The following ALG9 variants were observed in gnomAD, a reference collection of about 807,000 sequenced individuals.
ALG9 encodes alpha-1,2-mannosyltransferase ALG9.
Under a neutral mutation model 81.8 loss-of-function variants are expected in ALG9, and 55 were observed. The observed-to-expected ratio is 0.67, with a 90% CI of 0.54 to 0.84. The LOEUF (loss-of-function observed/expected upper bound fraction) is 0.84, where lower values mean the gene tolerates loss of function less well. ALG9 is among the 40% of genes least tolerant of loss of function. The pLI, the probability that ALG9 is intolerant of heterozygous loss-of-function variation, is 0.00. For missense variants in ALG9, 629 were observed against 745.0 expected (o/e 0.84, Z 1.81); for synonymous variants, 278 against 274.3 (o/e 1.01, Z -0.13).
At chr11:111,827,425 G>A (rs1483852649) in intron 13 of ALG9, among the ~76,000 whole-genome samples, 7 of 152,118 alleles carry the variant, frequency 4.6e-5, no homozygotes, top group South Asian at 2.1e-4. Context: ...GCAGTGGGTC[G>A]AGATGGGCAA....
At chr11:111,820,391 G>A (rs1952135023) in intron 13 of ALG9, among the ~76,000 whole-genome samples, 1 of 152,198 alleles carries the variant, frequency 6.6e-6, no homozygotes, top group Non-Finnish European at 1.5e-5. Flanking sequence ...GCAGAAGGCA[G>A]CACATGGCAG....
chr11:111,858,022 T>C (rs1958982560), intron 5 of ALG9: 1 of 379,586 alleles, frequency 2.6e-6, no homozygotes, highest in Non-Finnish European at 5.0e-6. Context: ...CACTGCAACC[T>C]GATTCCCTGG....
At chr11:111,838,204 C>T (rs1555119489) in intron 11 of ALG9, 45 bp downstream of exon 11, 1 of 1,609,474 alleles carries the variant, frequency 6.2e-7, no homozygotes, top group Non-Finnish European at 8.5e-7. Context: ...AACCTAAGAG[C>T]AAGTGACTCG....
At position 111,871,466 on chromosome 11, in the gene ALG9, G is replaced by A; in HGVS notation, c.17C>T (p.Ala6Val). The A allele has an allele frequency of 1.3e-6, 2 of 1,536,662 alleles. No individual in the cohort carries two copies. Among genetic ancestry groups the A allele is most frequent in the South Asian group, 2.4e-5 (2 of 83,996 alleles). The change falls in exon 1 of 15, where the codon GCT becomes GTT. Residue 6 changes from alanine to valine, a missense_variant. Physicochemically the swap from Ala to Val is moderately conservative, Grantham distance 64. Transcript: ENST00000616540. MASRG[A>V]RQRLKGSGAS... is the part of the protein sequence containing the mutation. ...CCCGCTGCCCTTCAGGCGCTGCCGA[G>A]CCCCTCGACTAGCCATGGCAAGCCT...
intron 1 of ALG9, 139 bp downstream of exon 1, chr11:111,871,213 C>T: frequency 1.1e-5 from 14 of 1,311,314 alleles, no homozygotes; most frequent in Non-Finnish European, 1.3e-5. Flanking sequence ...CCAATAGGAC[C>T]TAGCTGAAGA....
intron 8 of ALG9, among the ~76,000 whole-genome samples, chr11:111,846,675 G>T (rs141257033): frequency 3.5e-4 from 54 of 152,266 alleles, no homozygotes; most frequent in African/African-American, 1.1e-3. Flanking sequence ...AGTGAAGAAG[G>T]TTCAAGTGTC....
intron 6 of ALG9, among the ~76,000 whole-genome samples, chr11:111,856,395 C>T (rs937421323): frequency 4.0e-5 from 6 of 150,964 alleles, no homozygotes; most frequent in Middle Eastern, 3.5e-3. Context: ...GAATGTTATG[C>T]AACCAATATA....
chr11:111,793,767 A>C (rs1947828229), intron 14 of ALG9, among the ~76,000 whole-genome samples: 1 of 152,038 alleles, frequency 6.6e-6, no homozygotes, highest in Non-Finnish European at 1.5e-5. Flanking sequence ...GCTCAAAAAA[A>C]AAAAAAAAAA....
chr11:111,821,215 C>T (rs1271513605), intron 13 of ALG9, among the ~76,000 whole-genome samples: 2 of 152,084 alleles, frequency 1.3e-5, no homozygotes, highest in Admixed American at 1.3e-4. Context: ...TGTATTTGTA[C>T]AAGATCAAGT....
intron 8 of ALG9, among the ~76,000 whole-genome samples, chr11:111,845,933 C>T (rs1251028231): frequency 1.3e-5 from 2 of 152,134 alleles, no homozygotes; most frequent in Admixed American, 6.5e-5. Flanking sequence ...TTCAACTGTG[C>T]GTCACCTTTG....
Position 111,782,361 on chromosome 11 carries a change from A to T in ALG9, c.*4036T>A, listed in dbSNP as rs1445001463. The T allele has an allele frequency of 6.6e-6, 1 of 152,598 alleles. No individual in the cohort carries two copies. The highest frequency in any genetic ancestry group is 1.5e-5 in the Non-Finnish European group (1 of 68,032). 9.5% of individuals were successfully genotyped at this position (152,598 alleles called of 1,614,324 possible). On this transcript the variant is annotated 3_prime_UTR_variant, in exon 15 of 15. Coordinates refer to ENST00000616540, the MANE Select transcript of ALG9 (RefSeq NM_024740.2). ...CCTGATTTCATTTGCAGCATGAATC[A>T]CCTGGTTATACAGACTGGCAGAAGG...
At chr11:111,861,119 G>A (rs1417796776) in intron 4 of ALG9, among the ~76,000 whole-genome samples, 2 of 152,162 alleles carry the variant, frequency 1.3e-5, no homozygotes, top group African/African-American at 2.4e-5. Flanking sequence ...ATAAATGGTA[G>A]TTGTCAGAAA....
At chr11:111,868,775 C>T in intron 2 of ALG9, 39 bp from the exon 3 acceptor site, 1 of 1,524,740 alleles carries the variant, frequency 6.6e-7, no homozygotes, top group Admixed American at 2.1e-5. Context: ...GTTATACTGG[C>T]CAAAAATCTC....
intron 14 of ALG9, among the ~76,000 whole-genome samples, chr11:111,795,101 C>A (rs1948057594): frequency 6.6e-6 from 1 of 152,140 alleles, no homozygotes; most frequent in Non-Finnish European, 1.5e-5. Flanking sequence ...TATACTCCAC[C>A]AGTCCCTTGA....
intron 13 of ALG9, chr11:111,829,079 T>G (rs1953883333): frequency 6.6e-6 from 1 of 152,132 alleles, no homozygotes; most frequent in African/African-American, 2.4e-5. Context: ...GAGAATAAAT[T>G]TATTCTCTCA....
Position 111,811,603 on chromosome 11 carries a change from CATGTGGTATATCCATACCATTAAA to C in ALG9, c.1603-1854_1603-1831del, listed in dbSNP as rs1157433974. On this transcript the variant is annotated intron_variant, in intron 13 of 14. Transcript: ENST00000616540. ...ACAAATGCCCATCAACAGATAGATTCATGTGGTATATCCATACCATTAAAATGTGGTATATCCATACAATAGAAC... is the reference window on the plus strand; with the variant it reads ...ACAAATGCCCATCAACAGATAGATTCATGTGGTATATCCATACAATAGAAC... 8.7e-5 allele frequency among the ~76,000 whole-genome samples: 13 copies of C among 150,070 alleles called. No individual in the cohort carries two copies. In the South Asian group the frequency reaches 1.1e-3, roughly 12 times the overall value.
intron 1 of ALG9, chr11:111,871,073 C>G: frequency 1.7e-6 from 2 of 1,184,534 alleles, no homozygotes; most frequent in Non-Finnish European, 2.1e-6. Flanking sequence ...CTGTCTACAT[C>G]TCCCACAGAG....
At chr11:111,794,757 C>T (rs942709007) in intron 14 of ALG9, among the ~76,000 whole-genome samples, 4 of 152,172 alleles carry the variant, frequency 2.6e-5, no homozygotes, top group Admixed American at 2.0e-4. Flanking sequence ...TCTTTCCAGC[C>T]GCAGCTTTTT....
At chr11:111,866,935 A>T (rs1340428177) in intron 3 of ALG9, among the ~76,000 whole-genome samples, 1 of 152,166 alleles carries the variant, frequency 6.6e-6, no homozygotes, top group South Asian at 2.1e-4. Flanking sequence ...TCTACTAAAA[A>T]TACAAAAAAA....
Sources: gnomAD v4.1 joint callset for allele counts (sites outside exome capture counted in the v4.1 genomes callset) on GRCh38, gnomAD v4.1.1 for gene constraint, MANE v1.5 for transcripts, NCBI Gene and HGNC (gene_info 2026-07-23, HGNC 2026-07-21) for gene names.